The following PTPRN2 variants were observed in gnomAD, a reference collection of about 807,000 sequenced individuals.
PTPRN2 encodes the protein receptor-type tyrosine-protein phosphatase N2.
PTPRN2 carries 74 observed loss-of-function variants against 118.8 expected under a neutral mutation model. That is an observed-to-expected ratio of 0.62 (90% CI 0.52 to 0.76). The LOEUF (loss-of-function observed/expected upper bound fraction) is 0.76, where lower values mean the gene tolerates loss of function less well. PTPRN2 is among the 30% of genes least tolerant of loss of function. The probability of loss-of-function intolerance (pLI) is 0.00; values close to 1 mark genes in which losing one functional copy is unlikely to be tolerated. For synonymous variants in PTPRN2, 641 were observed against 608.0 expected (o/e 1.05, Z -0.80); for missense variants, 1,481 against 1,394.4 (o/e 1.06, Z -0.99).
chr7:158,457,705 G>A (rs151221470), intron 2 of PTPRN2, among the ~76,000 whole-genome samples: 834 of 42,252 alleles, frequency 0.02, 189 homozygotes, highest in African/African-American at 0.067. Flanking sequence ...TCACAGTAAA[G>A]CCACCGTCAA....
At chr7:157,572,780 G>A (rs1799823444) in intron 19 of PTPRN2, among the ~76,000 whole-genome samples, 1 of 152,270 alleles carries the variant, frequency 6.6e-6, no homozygotes, top group Non-Finnish European at 1.5e-5. Context: ...GGACGCACTT[G>A]ATCTGTGCTG....
intron 22 of PTPRN2, among the ~76,000 whole-genome samples, chr7:157,544,875 A>T (rs1469727471): frequency 6.6e-6 from 1 of 150,854 alleles, no homozygotes; most frequent in Non-Finnish European, 1.5e-5. Context: ...GTGGATGTGC[A>T]TCGTGTGTGG....
At chr7:157,775,434 T>C (rs1803142855) in intron 12 of PTPRN2, among the ~76,000 whole-genome samples, 1 of 152,118 alleles carries the variant, frequency 6.6e-6, no homozygotes, top group Non-Finnish European at 1.5e-5. Context: ...GGCCGAGGGA[T>C]GGAAGGAAAA....
At chr7:157,749,376 C>T (rs1801287936) in intron 12 of PTPRN2, among the ~76,000 whole-genome samples, 1 of 141,054 alleles carries the variant, frequency 7.1e-6, no homozygotes, top group Non-Finnish European at 1.5e-5. Context: ...GATTCTGTGG[C>T]CTGTGTCCCT....
chr7:158,252,735 G>A (rs1796766639), intron 3 of PTPRN2, among the ~76,000 whole-genome samples: 1 of 152,150 alleles, frequency 6.6e-6, no homozygotes, highest in Non-Finnish European at 1.5e-5. Flanking sequence ...AGTCCAAGCA[G>A]CAAAATCACA....
At chr7:157,837,428 G>A (rs1322987078) in intron 12 of PTPRN2, among the ~76,000 whole-genome samples, 1 of 151,716 alleles carries the variant, frequency 6.6e-6, no homozygotes, top group Non-Finnish European at 1.5e-5. Flanking sequence ...GGGGGATGTA[G>A]TGTCTGATGG....
intron 11 of PTPRN2, among the ~76,000 whole-genome samples, chr7:157,925,017 TGCAG>T (rs747602280): frequency 5.7e-5 from 4 of 70,160 alleles, no homozygotes; most frequent in East Asian, 7.4e-4. Context: ...GTAGTCAGGA[TGCAG>T]GCACCTGCAT....
chr7:158,029,071 C>T (rs560247369), intron 11 of PTPRN2: 1 of 152,346 alleles, frequency 6.6e-6, no homozygotes, highest in Non-Finnish European at 1.5e-5. Flanking sequence ...CTCGAACACC[C>T]CTGCTCTGGA....
At chr7:157,876,529 C>T (rs552732873) in intron 12 of PTPRN2, among the ~76,000 whole-genome samples, 1 of 152,330 alleles carries the variant, frequency 6.6e-6, no homozygotes, top group African/African-American at 2.4e-5. Flanking sequence ...GGCAGGTCCT[C>T]TCATGAGTAA....
rs1368675019 is a variant in PTPRN2, at chr7:157,656,483, G to A, written c.2070C>T (p.Ile690=). ...CGCTGAACTGGGATGAGACGCTGCTGATGCGTGACGTGTGCGGGCCCTCAG... is the reference window on the plus strand; with the variant it reads ...CGCTGAACTGGGATGAGACGCTGCTAATGCGTGACGTGTGCGGGCCCTCAG... ...DRPEGPHTSR[I]SSVSSQFSDG... The change falls in exon 14 of 23, where the codon ATC becomes ATT. Residue 690 remains isoleucine, a synonymous_variant. Coordinates refer to ENST00000389418, the MANE Select transcript of PTPRN2 (RefSeq NM_002847.5). The A allele has an allele frequency of 1.9e-6, 3 of 1,554,898 alleles. No homozygotes were observed. The highest frequency in any genetic ancestry group is 2.6e-6 in the Non-Finnish European group (3 of 1,153,120).
At chr7:157,685,056 C>T (rs1399949364) in intron 12 of PTPRN2, among the ~76,000 whole-genome samples, 1 of 151,906 alleles carries the variant, frequency 6.6e-6, no homozygotes, top group Non-Finnish European at 1.5e-5. Flanking sequence ...TCCCGGGGGC[C>T]CGGCCTGCGC....
rs1823019290 is a variant in PTPRN2, at chr7:158,509,459, A to C, written c.113-19674T>G. 6.6e-6 allele frequency among the ~76,000 whole-genome samples: 1 copy of C among 152,202 alleles called. No homozygotes were observed. Among genetic ancestry groups the C allele is most frequent in the African/African-American group, 2.4e-5 (1 of 41,446 alleles). ...GGAAAGAGCTCAGCATCCTGGCATCAAGTCTGCCATTCAGGCCACACTGGG... is the reference window on the plus strand; with the variant it reads ...GGAAAGAGCTCAGCATCCTGGCATCCAGTCTGCCATTCAGGCCACACTGGG... On this transcript the variant is annotated intron_variant, in intron 1 of 22. Coordinates refer to ENST00000389418, the MANE Select transcript of PTPRN2 (RefSeq NM_002847.5). This position sits in a 1 kb window ranked among gnomAD's most constrained non-coding sequence, Gnocchi z 4.4.
chr7:158,072,023 C>CCCG (rs1488626424), intron 11 of PTPRN2, among the ~76,000 whole-genome samples: 5 of 124,786 alleles, frequency 4.0e-5, no homozygotes, highest in Admixed American at 2.5e-4. Flanking sequence ...TATGGAGGTG[C>CCCG]TCATGGTGGA....
intron 11 of PTPRN2, among the ~76,000 whole-genome samples, chr7:158,009,028 C>T (rs1805860092): frequency 1.3e-5 from 2 of 152,170 alleles, no homozygotes; most frequent in Admixed American, 6.5e-5. Flanking sequence ...CCCGAGGTCA[C>T]TGCACTCACA....
At chr7:158,159,781 T>C (rs942350465) in intron 6 of PTPRN2, among the ~76,000 whole-genome samples, 4 of 152,092 alleles carry the variant, frequency 2.6e-5, no homozygotes, top group African/African-American at 9.7e-5. Flanking sequence ...GTACCGTATC[T>C]ATATGAAAAA....
At position 157,990,927 on chromosome 7, in the gene PTPRN2, C is replaced by A. The variant is rs143088074; in HGVS notation, c.1723+90371G>T. ...AGAGAGCTGCTGGTGTCAACCCTGC[C>A]AGCAAGATGTGCCCCAGATCCCCAG... is the stretch of plus-strand genomic sequence containing the variant. On this transcript the variant is annotated intron_variant, in intron 11 of 22. Transcript: ENST00000389418. This position sits in a 1 kb window ranked among gnomAD's most constrained non-coding sequence, Gnocchi z 4.3. Among the ~76,000 whole-genome samples, 1 of 152,206 alleles carries A rather than the reference C, an allele frequency of 6.6e-6. No homozygotes were observed.
intron 2 of PTPRN2, among the ~76,000 whole-genome samples, chr7:158,385,739 C>T (rs1190174419): frequency 6.6e-6 from 1 of 152,180 alleles, no homozygotes; most frequent in Non-Finnish European, 1.5e-5. Flanking sequence ...GTTTCAAGTC[C>T]GTTTCTAAAT....
chr7:157,653,575 G>A (rs1241922309), intron 14 of PTPRN2, among the ~76,000 whole-genome samples: 1 of 152,130 alleles, frequency 6.6e-6, no homozygotes, highest in African/African-American at 2.4e-5. Flanking sequence ...GTGAGTCCTG[G>A]GAAGAGGTCT....
At chr7:158,157,845 G>C (rs1250891490) in intron 6 of PTPRN2, among the ~76,000 whole-genome samples, 1 of 152,184 alleles carries the variant, frequency 6.6e-6, no homozygotes, top group African/African-American at 2.4e-5. Context: ...AGGAAGAAAG[G>C]CCTCAGGCAG....
Sources: gnomAD v4.1 joint callset for allele counts (sites outside exome capture counted in the v4.1 genomes callset) on GRCh38, gnomAD v4.1.1 for gene constraint, Gnocchi (gnomAD v3.1) non-coding constraint, MANE v1.5 for transcripts, NCBI Gene and HGNC (gene_info 2026-07-23, HGNC 2026-07-21) for gene names.